CSMD1: variants seen among roughly 807,000 people sequenced by gnomAD.
CSMD1 encodes the protein CUB and Sushi multiple domains 1.
Under a neutral mutation model 417.5 loss-of-function variants are expected in CSMD1, and 213 were observed. The observed-to-expected ratio is 0.51, with a 90% CI of 0.46 to 0.57. The LOEUF is 0.57. CSMD1 is among the 20% of genes least tolerant of loss of function. The pLI is 0.00. For synonymous variants in CSMD1, 2,862 were observed against 1,736.8 expected, an observed-to-expected ratio of 1.65 and a Z score of -16.11; for missense variants, 6,923 against 4,529.7, an observed-to-expected ratio of 1.53 and a Z score of -15.17.
At chr8:3,133,900 C>G (rs113144123) in intron 41 of CSMD1, among the ~76,000 whole-genome samples, 5 of 152,196 alleles carry the variant, frequency 3.3e-5, no homozygotes, top group Non-Finnish European at 5.9e-5. Flanking sequence ...TCAGGCCGGG[C>G]GCGGTGGCTC....
chr8:3,565,592 C>A (rs1314747717), intron 10 of CSMD1, among the ~76,000 whole-genome samples: 3 of 152,152 alleles, frequency 2.0e-5, no homozygotes, highest in South Asian at 2.1e-4. Flanking sequence ...CTTCATCTCT[C>A]TGAATTTGTT....
chr8:3,453,049 A>G (rs553551845), intron 12 of CSMD1, among the ~76,000 whole-genome samples: 469 of 151,936 alleles, frequency 3.1e-3, no homozygotes, highest in Non-Finnish European at 5.5e-3. Context: ...GTCTTGGGAG[A>G]GTGTATGTGT....
At chr8:2,943,586 G>A (rs370116377) in intron 68 of CSMD1, among the ~76,000 whole-genome samples, 1 of 152,198 alleles carries the variant, frequency 6.6e-6, no homozygotes, top group African/African-American at 2.4e-5. Context: ...CAAGTATCAT[G>A]AAGGTGATAG....
intron 2 of CSMD1, among the ~76,000 whole-genome samples, chr8:4,558,823 G>C (rs1200363800): frequency 6.6e-6 from 1 of 152,158 alleles, no homozygotes; most frequent in Non-Finnish European, 1.5e-5. Flanking sequence ...AATGGAGATC[G>C]TGCCACTGCA....
chr8:4,447,120 A>G (rs965521260), intron 2 of CSMD1, among the ~76,000 whole-genome samples: 1 of 152,138 alleles, frequency 6.6e-6, no homozygotes, highest in Non-Finnish European at 1.5e-5. Context: ...TTAAATGTAC[A>G]TTTGCAAATA....
chr8:4,500,394 G>A (rs934428374), intron 2 of CSMD1, among the ~76,000 whole-genome samples: 5 of 152,094 alleles, frequency 3.3e-5, no homozygotes, highest in African/African-American at 7.2e-5. Context: ...ATCACAGCCC[G>A]AAAAAATAAT....
intron 3 of CSMD1, among the ~76,000 whole-genome samples, chr8:4,366,188 C>G (rs1802058517): frequency 6.6e-6 from 1 of 152,134 alleles, no homozygotes; most frequent in South Asian, 2.1e-4. Context: ...GGTTTTCTGT[C>G]TCTGCATTGC....
chr8:3,376,929 G>A (rs768493981), intron 18 of CSMD1, among the ~76,000 whole-genome samples: 1 of 152,186 alleles, frequency 6.6e-6, no homozygotes, highest in African/African-American at 2.4e-5. Flanking sequence ...AAGCCTTATG[G>A]TTGGATGAAA....
At chr8:4,913,059 G>T (rs1353748499) in intron 1 of CSMD1, among the ~76,000 whole-genome samples, 2 of 152,098 alleles carry the variant, frequency 1.3e-5, no homozygotes, top group Non-Finnish European at 2.9e-5. Flanking sequence ...AAACTGCTGG[G>T]ATTACAGGGG....
At chr8:4,417,714 ATCAGAAAGAGAAT>A (rs1797022204) in intron 3 of CSMD1, among the ~76,000 whole-genome samples, 1 of 152,056 alleles carries the variant, frequency 6.6e-6, no homozygotes, top group South Asian at 2.1e-4. Flanking sequence ...AATCTGAGGT[ATCAGAAAGAGAAT>A]TTTGTGACTC....
intron 3 of CSMD1, among the ~76,000 whole-genome samples, chr8:4,345,684 G>A (rs1173356651): frequency 6.6e-6 from 1 of 152,068 alleles, no homozygotes; most frequent in African/African-American, 2.4e-5. Flanking sequence ...ATATGAAATG[G>A]CCATGTAATT....
At position 4,637,546 on chromosome 8, in the gene CSMD1, C is replaced by T. The variant is rs933313633; in HGVS notation, c.98G>A (p.Gly33Glu). Residue 33 changes from glycine to glutamate, a missense_variant, in exon 2 of 70, where the codon GGA becomes GAA. Physicochemically the swap from Gly to Glu is moderately conservative, Grantham distance 98. Coordinates refer to ENST00000635120, the MANE Select transcript of CSMD1 (RefSeq NM_033225.6). The stretch of plus-strand genomic sequence containing the variant: ...GCCATTGGGACCCTGGACTAAGCCT[C>T]CACAGTTCTGACCTGGAAGAGAAAA... ...LLTAAKGQNC[G>E]GLVQGPNGTI... The T allele has an allele frequency of 3.1e-6, 5 of 1,612,482 alleles. No individual in the cohort carries two copies. The highest frequency in any genetic ancestry group is 4.2e-6 in the Non-Finnish European group (5 of 1,178,978).
rs374180480 is a variant in CSMD1, at chr8:3,300,958, C to CAAAAA, written c.3950+6732_3950+6736dup. 5.1e-3 allele frequency among the ~76,000 whole-genome samples: 260 copies of CAAAAA among 50,544 alleles called. 11 individuals are homozygous for CAAAAA. Among genetic ancestry groups the CAAAAA allele is most frequent in the Admixed American group, 0.025 (70 of 2,800 alleles). The allele number at this position is 50,544 out of a possible 152,430, so 33.2% of individuals were successfully genotyped here. A position where few individuals can be genotyped will look rare whatever the true frequency, so the allele number is the denominator to read the frequency against. On this transcript the variant is annotated intron_variant, in intron 25 of 69. Coordinates refer to ENST00000635120, the MANE Select transcript of CSMD1 (RefSeq NM_033225.6). ...TGGACAACAGAGTGAGACTCTGTCTCAAAAAAAAAAAAAAAAAAAAAAAGA... is the reference window on the plus strand; with the variant it reads ...TGGACAACAGAGTGAGACTCTGTCTCAAAAAAAAAAAAAAAAAAAAAAAAAAAAGA...
chr8:4,209,954 C>G (rs777910288), intron 3 of CSMD1, among the ~76,000 whole-genome samples: 18 of 152,192 alleles, frequency 1.2e-4, no homozygotes, highest in African/African-American at 4.1e-4. Context: ...CAATGGTAAA[C>G]TGGCATGGCA....
At chr8:3,983,801 G>A (rs2930381) in intron 5 of CSMD1, among the ~76,000 whole-genome samples, 3,800 of 152,190 alleles carry the variant, frequency 0.025, 53 homozygotes, top group Non-Finnish European at 0.039. Flanking sequence ...TTCTGATGGG[G>A]CTGTCAAATG....
intron 1 of CSMD1, among the ~76,000 whole-genome samples, chr8:4,684,848 G>A (rs1806272550): frequency 6.6e-6 from 1 of 152,074 alleles, no homozygotes; most frequent in Non-Finnish European, 1.5e-5. Context: ...GAATATAATA[G>A]ACAAACCTGT....
chr8:3,530,893 T>A (rs1396779724), intron 10 of CSMD1, among the ~76,000 whole-genome samples: 1 of 151,252 alleles, frequency 6.6e-6, no homozygotes, highest in South Asian at 2.1e-4. Context: ...AGTCTCATTC[T>A]GTCATCCAGA....
chr8:3,151,402 C>T lies in CSMD1; in HGVS notation c.6026G>A (p.Gly2009Asp). ...DCTWRISLPIGYGAHIQFLNF... is the reference protein window; with the variant it reads ...DCTWRISLPIDYGAHIQFLNF... ...TTGGTAACATTTTCACTTACCATAG[C>T]CGATGGGTAATGAGATCCTCCAGGT... is the stretch of plus-strand genomic sequence containing the variant. Residue 2009 changes from glycine to aspartate, a missense_variant, in exon 40 of 70, where the codon GGC becomes GAC. Gly to Asp is a moderately conservative substitution (Grantham distance 94). Coordinates refer to ENST00000635120, the MANE Select transcript of CSMD1 (RefSeq NM_033225.6). 6.2e-7 allele frequency: 1 copy of T among 1,603,736 alleles called. No individual in the cohort carries two copies. Among genetic ancestry groups the T allele is most frequent in the Non-Finnish European group, 8.5e-7 (1 of 1,171,142 alleles).
chr8:4,947,595 C>T (rs1466335616), intron 1 of CSMD1, among the ~76,000 whole-genome samples: 1 of 152,032 alleles, frequency 6.6e-6, no homozygotes, highest in Non-Finnish European at 1.5e-5. Flanking sequence ...AGATTTTCTT[C>T]CCCTACATGT....
Sources: allele counts gnomAD v4.1 joint callset (sites outside exome capture counted in the v4.1 genomes callset), GRCh38; gene constraint gnomAD v4.1.1; transcripts MANE v1.5; gene names NCBI Gene and HGNC (gene_info 2026-07-23, HGNC 2026-07-21).